Variants in C6 observed in about 807,000 individuals in gnomAD.
The protein encoded by C6 is complement component C6.
C6 carries 101 observed loss-of-function variants against 112.9 expected under a neutral mutation model. The observed-to-expected ratio is 0.89, with a 90% CI of 0.76 to 1.06. The LOEUF (loss-of-function observed/expected upper bound fraction) is 1.06. Ranked by LOEUF, C6 falls within the 50% of genes least tolerant of loss-of-function variation. The pLI, the probability that C6 is intolerant of heterozygous loss-of-function variation, is 0.00. For synonymous variants in C6, 431 were observed against 384.1 expected (o/e 1.12, Z -1.43); for missense variants, 1,202 against 1,104.6 (o/e 1.09, Z -1.25).
intron 1 of C6, among the ~76,000 whole-genome samples, chr5:41,219,319 A>G (rs2150402469): frequency 6.6e-6 from 1 of 152,274 alleles, no homozygotes; most frequent in Non-Finnish European, 1.5e-5. Context: ...AGGGTCATCT[A>G]GATTTGTCTG....
At chr5:41,159,287 T>G (rs552812698) in intron 11 of C6, 34 bp from the exon 12 acceptor site, 3 of 1,606,448 alleles carry the variant, frequency 1.9e-6, no homozygotes, top group Non-Finnish European at 2.6e-6. Context: ...CCATGGATCA[T>G]GGTGCAGCTG....
intron 1 of C6, among the ~76,000 whole-genome samples, chr5:41,226,920 G>A (rs1739546382): frequency 6.6e-6 from 1 of 152,114 alleles, no homozygotes; most frequent in Admixed American, 6.6e-5. Context: ...GTGAACATAA[G>A]AGTACAGATA....
chr5:41,258,025 A>T (rs1024083918), intron 1 of C6, among the ~76,000 whole-genome samples: 3 of 152,112 alleles, frequency 2.0e-5, no homozygotes, highest in African/African-American at 7.2e-5. Flanking sequence ...CCAATCATAA[A>T]ACTTTACTTT....
intron 8 of C6, among the ~76,000 whole-genome samples, chr5:41,176,074 G>T (rs913124112): frequency 2.0e-5 from 3 of 152,148 alleles, no homozygotes; most frequent in Non-Finnish European, 4.4e-5. Flanking sequence ...ATTGCTTTAT[G>T]AAATTATATC....
chr5:41,239,111 C>CTTTCT (rs1740527793), intron 1 of C6, among the ~76,000 whole-genome samples: 1 of 121,674 alleles, frequency 8.2e-6, no homozygotes, highest in Non-Finnish European at 1.7e-5. Flanking sequence ...TCTTTTCTTT[C>CTTTCT]TTTTTTTTTT....
upstream of C6, chr5:41,213,708 A>C (rs1253267317): frequency 5.3e-6 from 1 of 188,294 alleles, no homozygotes; most frequent in Admixed American, 6.5e-5. Flanking sequence ...ACTGCATAGA[A>C]ATCTCTCTTT....
In C6 at chr5:41,158,926, C is replaced by T. The variant is rs113442674; in HGVS notation, c.1857-141G>A. ...AAAACATTACACACAGAAAAAGGCA[C>T]GGCAGTAGACCCAGTGGCTCATTAA... On this transcript the variant is annotated intron_variant, in intron 12 of 17. Coordinates refer to ENST00000337836, the MANE Select transcript of C6 (RefSeq NM_000065.5). 2.7e-4 allele frequency: 298 copies of T among 1,090,902 alleles called. 2 individuals are homozygous for T. The African/African-American group carries it at 3.6e-3, about 13-fold the overall frequency. 67.6% of individuals were successfully genotyped at this position (1,090,902 alleles called of 1,614,324 possible).
intron 1 of C6, among the ~76,000 whole-genome samples, chr5:41,255,297 G>A (rs1322012661): frequency 6.6e-6 from 1 of 151,438 alleles, no homozygotes; most frequent in African/African-American, 2.4e-5. Flanking sequence ...GGAGGCGGCG[G>A]CCGCAGTGAG....
Position 41,185,744 on chromosome 5 carries a change from G to A in C6, c.726+326C>T, listed in dbSNP as rs115988687. 9.1e-3 allele frequency among the ~76,000 whole-genome samples: 1,378 copies of A among 152,222 alleles called. 29 individuals are homozygous for A. Among genetic ancestry groups the A allele is most frequent in the African/African-American group, 0.03 (1,265 of 41,542 alleles). ...GAGAAAATTCTGAAGAAATCAAACTGTTTATCTGTGTGGAGCTATTTTAGA... is the reference window on the plus strand; with the variant it reads ...GAGAAAATTCTGAAGAAATCAAACTATTTATCTGTGTGGAGCTATTTTAGA... On this transcript the variant is annotated intron_variant, in intron 6 of 17. Transcript: ENST00000337836.
intron 6 of C6, among the ~76,000 whole-genome samples, chr5:41,182,265 C>CTTT (rs371104902): frequency 2.3e-4 from 32 of 141,962 alleles, no homozygotes; most frequent in African/African-American, 8.0e-4. Context: ...CCCCCCGCCC[C>CTTT]TTTTTTTTTT....
At chr5:41,171,216 G>A (rs956165551) in intron 9 of C6, among the ~76,000 whole-genome samples, 7 of 152,128 alleles carry the variant, frequency 4.6e-5, no homozygotes, top group South Asian at 2.1e-4. Context: ...AATTGTGCAT[G>A]GTTACTTATT....
At position 41,149,456 on chromosome 5, in the gene C6, AAC is replaced by A. The variant is rs749432203; in HGVS notation, c.2406_2407del (p.Phe803Ter). Reference sequence around the variant, plus strand: ...AAAGTAATCGTTGGAGTCTGTGTCAAACACACAGAGATCTTCTGAATGATGGC... The same window carrying A: ...AAAGTAATCGTTGGAGTCTGTGTCAAACACAGAGATCTTCTGAATGATGGC... On this transcript the variant is annotated frameshift_variant, in exon 17 of 18. Coordinates refer to ENST00000337836, the MANE Select transcript of C6 (RefSeq NM_000065.5). LOFTEE classifies it high-confidence loss of function. 9.9e-6 allele frequency: 16 copies of A among 1,613,886 alleles called. No homozygotes were observed. In the Admixed American group the frequency reaches 2.7e-4, roughly 27 times the overall value.
At chr5:41,163,918 T>C (rs542093036) in intron 9 of C6, among the ~76,000 whole-genome samples, 2 of 152,318 alleles carry the variant, frequency 1.3e-5, no homozygotes, top group South Asian at 4.1e-4. Flanking sequence ...CTTCAATGTG[T>C]CTGTGACTTT....
At chr5:41,190,362 T>C (rs1014050187) in intron 5 of C6, among the ~76,000 whole-genome samples, 1 of 152,230 alleles carries the variant, frequency 6.6e-6, no homozygotes, top group African/African-American at 2.4e-5. Context: ...CGATGATTAG[T>C]GATGTTGAAC....
intron 6 of C6, among the ~76,000 whole-genome samples, chr5:41,183,230 T>C (rs1372614027): frequency 6.6e-6 from 1 of 152,168 alleles, no homozygotes; most frequent in Non-Finnish European, 1.5e-5. Flanking sequence ...ATAACCCCAA[T>C]AGCATGGATA....
rs908834041 is a variant in C6, at chr5:41,213,357, A to G, written c.-21+19T>C. 1 of 942,760 alleles carries G rather than the reference A, an allele frequency of 1.1e-6. No individual in the cohort carries two copies. The highest frequency in any genetic ancestry group is 1.3e-6 in the Non-Finnish European group (1 of 791,124). 58.4% of individuals were successfully genotyped at this position (942,760 alleles called of 1,614,324 possible). A position where few individuals can be genotyped will look rare whatever the true frequency, so the allele number is the denominator to read the frequency against. On this transcript the variant is annotated intron_variant, in intron 1 of 17. Coordinates refer to ENST00000337836, the MANE Select transcript of C6 (RefSeq NM_000065.5). ...TTTTGAAATATTAAGATTGAAAATGAAATCATCATATTACTCACCTTTAAG... is the reference window on the plus strand; with the variant it reads ...TTTTGAAATATTAAGATTGAAAATGGAATCATCATATTACTCACCTTTAAG...
intron 1 of C6, among the ~76,000 whole-genome samples, chr5:41,234,357 GTTTTTTGTTTTT>G (rs1285330008): frequency 8.0e-6 from 1 of 125,650 alleles, no homozygotes; most frequent in African/African-American, 3.6e-5. Flanking sequence ...TTTGTTTTTT[GTTTTTTGTTTTT>G]TTTTTTTGCT....
intron 1 of C6, 52 bp downstream of exon 1, chr5:41,213,324 A>G: frequency 1.2e-6 from 1 of 803,020 alleles, no homozygotes; most frequent in Non-Finnish European, 1.5e-6. Context: ...TGGAAACATG[A>G]TTAACAATTT....
intron 4 of C6, 43 bp downstream of exon 4, chr5:41,199,725 G>A (rs773549783): frequency 4.4e-6 from 7 of 1,592,440 alleles, no homozygotes; most frequent in African/African-American, 4.0e-5. Context: ...ATTTAGTCAA[G>A]CTATTTTTAG....
Sources: gnomAD v4.1 joint callset for allele counts (sites outside exome capture counted in the v4.1 genomes callset) on GRCh38, gnomAD v4.1.1 for gene constraint, MANE v1.5 for transcripts, NCBI Gene and HGNC (gene_info 2026-07-23, HGNC 2026-07-21) for gene names.